COMMD5: variants seen among roughly 807,000 people sequenced by gnomAD.
The protein encoded by COMMD5 is COMM domain-containing protein 5.
COMMD5 carries 10 observed loss-of-function variants against 6.9 expected under a neutral mutation model. That is an observed-to-expected ratio of 1.44 (90% CI 0.89 to 2.45). COMMD5 has a LOEUF of 2.45. COMMD5 is among the 30% of genes most tolerant of loss of function. The pLI is 0.00. For synonymous variants in COMMD5, 127 were observed against 125.3 expected (o/e 1.01, Z -0.09); for missense variants, 234 against 287.8 (o/e 0.81, Z 1.35).
chr8:144,841,749 T>C (rs770258179), intron 1 of COMMD5: 3 of 1,614,098 alleles, frequency 1.9e-6, no homozygotes, highest in South Asian at 1.1e-5. Flanking sequence ...TCGCTCTGCA[T>C]TGGGAAATTA....
chr8:144,848,927 T>C (rs1830623922), downstream of COMMD5, among the ~76,000 whole-genome samples: 1 of 152,186 alleles, frequency 6.6e-6, no homozygotes, highest in South Asian at 2.1e-4. Context: ...CATGGCTGTG[T>C]CTTGATTTGC....
chr8:144,853,367 G>A (rs767187023), upstream of COMMD5: 2 of 152,254 alleles, frequency 1.3e-5, no homozygotes. Context: ...CAGAATTCCA[G>A]TCACCTGAGG....
At chr8:144,841,935 A>G in intron 1 of COMMD5, 1 of 1,613,872 alleles carries the variant, frequency 6.2e-7, no homozygotes, top group Non-Finnish European at 8.5e-7. Flanking sequence ...CGGGAGAGAA[A>G]CCCTTTAAAT....
chr8:144,851,430 C>G (rs1298208450), intron 1 of COMMD5, 35 bp from the exon 2 acceptor site: 2 of 1,414,826 alleles, frequency 1.4e-6, no homozygotes, highest in African/African-American at 1.4e-5. Flanking sequence ...ACCAGTGACT[C>G]TCACATCCTT....
chr8:144,842,675 A>G (rs749394485), intron 1 of COMMD5: 3 of 1,614,200 alleles, frequency 1.9e-6, no homozygotes, highest in South Asian at 1.1e-5. Flanking sequence ...AAAGGAGAGA[A>G]GCCCTACGAA....
At chr8:144,842,491 A>G in intron 1 of COMMD5, 2 of 1,614,132 alleles carry the variant, frequency 1.2e-6, no homozygotes, top group South Asian at 1.1e-5. Context: ...CCATCAGAGA[A>G]CTCACACTGG....
At chr8:144,843,435 A>C in intron 1 of COMMD5, 2 of 286,746 alleles carry the variant, frequency 7.0e-6, no homozygotes, top group Non-Finnish European at 1.3e-5. Flanking sequence ...AAAAATACAA[A>C]AATTTAGCTG....
chr8:144,842,645 TTTAC>T (rs777122818), intron 1 of COMMD5: 1 of 1,614,170 alleles, frequency 6.2e-7, no homozygotes, highest in Non-Finnish European at 8.5e-7. Context: ...TCCAGCCTTA[TTTAC>T]CATCAGAGAA....
rs1299638812 is a variant in COMMD5 at position 144,851,368 on chromosome 8, C to T, written c.-30G>A. 1.3e-6 allele frequency: 2 copies of T among 1,579,028 alleles called. No homozygotes were observed. The highest frequency in any genetic ancestry group is 1.2e-5 in the South Asian group (1 of 85,818). On this transcript the variant is annotated 5_prime_UTR_variant, in exon 2 of 2. The change creates a premature stop within an existing upstream ORF in the 5' untranslated region. Coordinates refer to ENST00000305103, the MANE Select transcript of COMMD5 (RefSeq NM_014066.4). The stretch of plus-strand genomic sequence containing the variant: ...GCTGCTTCCTCTTTGATCAGCCAGC[C>T]CAGGAGGTCGGTCCCAGATGCAGAT...
downstream of COMMD5, chr8:144,846,019 C>G: frequency 1.3e-6 from 2 of 1,536,578 alleles, no homozygotes; most frequent in South Asian, 1.2e-5. Flanking sequence ...AGCCAAGGCA[C>G]CCACATGCAC....
downstream of COMMD5, among the ~76,000 whole-genome samples, chr8:144,839,843 G>A (rs905876497): frequency 2.6e-5 from 4 of 152,304 alleles, no homozygotes; most frequent in African/African-American, 7.2e-5. Context: ...GCACCCCCAC[G>A]CTTTTGACCA....
chr8:144,841,730 C>T, exon 2 of COMMD5: 1 of 1,614,132 alleles, frequency 6.2e-7, no homozygotes, highest in Non-Finnish European at 8.5e-7. Flanking sequence ...ATCAGAGCCA[C>T]TTCAGATATC....
chr8:144,842,063 C>G (rs1829999646), intron 1 of COMMD5: 2 of 1,613,964 alleles, frequency 1.2e-6, no homozygotes, highest in Non-Finnish European at 1.7e-6. Flanking sequence ...GGTCAGAGCT[C>G]AAGCCTCATC....
rs756514326 is a variant in COMMD5, at chr8:144,842,985, G to A, written c.*117-1242C>T. ...GGTCCACCTTTGTGAGCCGTAAAAAGGTTAATACTATAAAGAAACTGCATC... is the reference window on the plus strand; with the variant it reads ...GGTCCACCTTTGTGAGCCGTAAAAAAGTTAATACTATAAAGAAACTGCATC... On this transcript the variant is annotated intron_variant and NMD_transcript_variant, in intron 1 of 1. Transcript: ENST00000530332. 3 of 1,614,200 alleles carry A rather than the reference G, an allele frequency of 1.9e-6. No homozygotes were observed. The South Asian group carries it at 3.3e-5, about 18-fold the overall frequency.
chr8:144,843,092 A>C, intron 1 of COMMD5: 1 of 1,613,010 alleles, frequency 6.2e-7, no homozygotes, highest in Non-Finnish European at 8.5e-7. Context: ...GAGAAGCCTT[A>C]TAAATGCAAT....
chr8:144,842,000 G>T (rs1343753403), intron 1 of COMMD5: 2 of 1,614,094 alleles, frequency 1.2e-6, no homozygotes, highest in African/African-American at 1.3e-5. Flanking sequence ...CAGCATCAAA[G>T]AATCCACACT....
At chr8:144,842,301 A>C in intron 1 of COMMD5, 1 of 1,614,056 alleles carries the variant, frequency 6.2e-7, no homozygotes, top group South Asian at 1.1e-5. Context: ...CAGACAGTCC[A>C]AGCCTTGTTG....
chr8:144,841,493 A>G, exon 2 of COMMD5: 1 of 1,614,192 alleles, frequency 6.2e-7, no homozygotes, highest in South Asian at 1.1e-5. Context: ...TCTGATTCTG[A>G]GGTCTGGTTA....
At chr8:144,841,978 T>C (rs1829984441) in intron 1 of COMMD5, 1 of 1,614,032 alleles carries the variant, frequency 6.2e-7, no homozygotes. Context: ...CCGCCTGAGC[T>C]CAAAACTTAT....
Sources: allele counts gnomAD v4.1 joint callset (sites outside exome capture counted in the v4.1 genomes callset), GRCh38; gene constraint gnomAD v4.1.1; transcripts MANE v1.5; gene names NCBI Gene and HGNC (gene_info 2026-07-23, HGNC 2026-07-21).